Variants in CEP72 observed in about 807,000 individuals in gnomAD.
The protein encoded by CEP72 is centrosomal protein of 72 kDa.
A neutral mutation model predicts 65.7 loss-of-function variants in CEP72; 78 were observed. That is an observed-to-expected ratio of 1.19 (90% CI 0.99 to 1.43). The LOEUF is 1.43. Among genes scored for constraint, CEP72 ranks in the 40% most tolerant of loss-of-function variants. The pLI is 0.00. For missense variants in CEP72, 914 were observed against 832.9 expected (o/e 1.10, Z -1.20); for synonymous variants, 358 against 351.7 (o/e 1.02, Z -0.20).
the CEP72 span, among the ~76,000 whole-genome samples, chr5:673,698 G>A: frequency 6.6e-6 from 1 of 152,180 alleles, no homozygotes; most frequent in Non-Finnish European, 1.5e-5. Context: ...CACACCCCAA[G>A]GCTGGTCCCC....
chr5:625,914 C>G lies in CEP72; in HGVS notation c.512+1335C>G, dbSNP rs145556396. 5.4e-3 allele frequency among the ~76,000 whole-genome samples: 823 copies of G among 152,282 alleles called. 2 individuals carry two copies. The highest frequency in any genetic ancestry group is 0.027 in the Middle Eastern group (8 of 294). On this transcript the variant is annotated intron_variant, in intron 4 of 11. Transcript: ENST00000264935. Reference sequence around the variant, plus strand: ...CAGGTTTCCCCTTCTTAGAAGGACACCAGTGATCGTGGATCAGGGCCCACC... The same window carrying G: ...CAGGTTTCCCCTTCTTAGAAGGACAGCAGTGATCGTGGATCAGGGCCCACC...
At chr5:666,592 C>T (rs894224234) in intron 4 of CEP72, among the ~76,000 whole-genome samples, 7 of 151,368 alleles carry the variant, frequency 4.6e-5, no homozygotes, top group East Asian at 1.9e-4. Flanking sequence ...GCAGCATGGG[C>T]GCAGGCCCAC....
intron 2 of CEP72, among the ~76,000 whole-genome samples, chr5:619,817 G>A (rs1579929818): frequency 6.6e-6 from 1 of 152,216 alleles, no homozygotes; most frequent in East Asian, 1.9e-4. Flanking sequence ...CTTGCTGCAC[G>A]CTGAGGCCTC....
chr5:614,660 C>T (rs962368085), intron 1 of CEP72, among the ~76,000 whole-genome samples: 2 of 152,076 alleles, frequency 1.3e-5, no homozygotes, highest in Non-Finnish European at 2.9e-5. Context: ...CGCGCCCGGC[C>T]TGACCTGTGG....
Position 633,858 on chromosome 5 carries a change from T to C in CEP72, c.602T>C (p.Ile201Thr). ...GATGACGAGGCAGTCCTGAACCTCA[T>C]TGCAGAGTGCGAGTGGGACCTCGGC... ...DADDEAVLNL[I>T]AECEWDLGRP... is the part of the protein sequence containing the mutation. The change falls in exon 5 of 12, where the codon ATT becomes ACT. Residue 201 changes from isoleucine to threonine, a missense_variant. By Grantham distance (89) the Ile-to-Thr change is moderately conservative (BLOSUM62 -1). Coordinates refer to ENST00000264935, the MANE Select transcript of CEP72 (RefSeq NM_018140.4). The C allele has an allele frequency of 1.2e-6, 2 of 1,613,904 alleles. No homozygotes were observed. Among genetic ancestry groups the C allele is most frequent in the Non-Finnish European group, 1.7e-6 (2 of 1,180,036 alleles).
At chr5:641,444 A>T in intron 9 of CEP72, 1 of 985,438 alleles carries the variant, frequency 1.0e-6, no homozygotes, top group African/African-American at 1.7e-5. Flanking sequence ...CTGCCTCTGA[A>T]CTTGTCTGAC....
At chr5:656,046 A>G (rs527916263), downstream of CEP72, among the ~76,000 whole-genome samples, 3 of 152,276 alleles carry the variant, frequency 2.0e-5, no homozygotes, top group East Asian at 1.9e-4. Context: ...AGTTTTGTAT[A>G]TTTTGGATTT....
chr5:634,146 G>A (rs1259857675), intron 5 of CEP72, among the ~76,000 whole-genome samples, 199 bp downstream of exon 5: 1 of 152,212 alleles, frequency 6.6e-6, no homozygotes, highest in Non-Finnish European at 1.5e-5. Context: ...TAACATATTT[G>A]AGTATAGTCA....
At chr5:673,262 C>T in the CEP72 span, among the ~76,000 whole-genome samples, 2 of 152,178 alleles carry the variant, frequency 1.3e-5, no homozygotes, top group Admixed American at 1.3e-4. Flanking sequence ...CCTCTCTCTT[C>T]CTGAGACAAG....
At chr5:635,762 C>T (rs894061128) in intron 6 of CEP72, among the ~76,000 whole-genome samples, 178 bp downstream of exon 6, 3 of 152,266 alleles carry the variant, frequency 2.0e-5, no homozygotes, top group African/African-American at 7.2e-5. Flanking sequence ...ATGGTGCAGG[C>T]AGAAGCAAGC....
At chr5:675,006 G>A in the CEP72 span, among the ~76,000 whole-genome samples, 737 of 137,360 alleles carry the variant, frequency 5.4e-3, 5 homozygotes, top group Middle Eastern at 0.038. Context: ...AGCAGTGAGG[G>A]GGGCACAGTG....
At chr5:669,533 T>G (rs940503492), downstream of CEP72, among the ~76,000 whole-genome samples, 8 of 152,086 alleles carry the variant, frequency 5.3e-5, no homozygotes, top group Non-Finnish European at 1.2e-4. Context: ...CTGTCTTCTA[T>G]TCCCACCCTG....
At position 612,384 on chromosome 5, in the gene CEP72, T is replaced by A; in HGVS notation, c.23T>A (p.Leu8Gln). The change falls in exon 1 of 12, where the codon CTG (leucine) becomes CAG (glutamine). Residue 8 changes from leucine (L) to glutamine (Q), a missense_variant. Transcript: ENST00000264935. ...AACATGGCGCGGGCTGGCCCTCGGC[T>A]GGTGCTGAGCGAGGAGGCGGTTCGG... MARAGPR[L>Q]VLSEEAVRAK... 2 of 1,491,150 alleles carry A rather than the reference T, an allele frequency of 1.3e-6. No homozygotes were observed. Among genetic ancestry groups the A allele is most frequent in the Non-Finnish European group, 1.8e-6 (2 of 1,125,506 alleles). 92.4% of individuals were successfully genotyped at this position (1,491,150 alleles called of 1,614,324 possible).
chr5:666,179 C>T, intron 4 of CEP72: 1 of 1,574,452 alleles, frequency 6.4e-7, no homozygotes, highest in African/African-American at 1.4e-5. Flanking sequence ...GGCTGCCCTC[C>T]CCACGCGTGG....
At chr5:631,765 A>C (rs1737204786) in intron 4 of CEP72, among the ~76,000 whole-genome samples, 1 of 69,048 alleles carries the variant, frequency 1.4e-5, no homozygotes, top group Non-Finnish European at 3.1e-5. Flanking sequence ...GATTTAGACC[A>C]GTCCTGGTGG....
intron 1 of CEP72, among the ~76,000 whole-genome samples, chr5:618,087 G>A (rs1378446382): frequency 2.6e-5 from 4 of 152,158 alleles, no homozygotes; most frequent in African/African-American, 9.7e-5. Flanking sequence ...GTTTCAGATG[G>A]TGATGGCTGC....
chr5:641,105 C>T, intron 9 of CEP72: 2 of 985,464 alleles, frequency 2.0e-6, no homozygotes, highest in Non-Finnish European at 2.4e-6. Context: ...GCCAGGCTCC[C>T]TCCTTCCGTC....
intron 3 of CEP72, chr5:665,817 GCCACGCCCTCCTGA>G: frequency 1.1e-6 from 1 of 879,490 alleles, no homozygotes; most frequent in Admixed American, 2.7e-5. Context: ...CCCACACCAG[GCCACGCCCTCCTGA>G]CCACGCCTCC....
Position 640,468 on chromosome 5 carries a change from C to T in CEP72, c.1403C>T (p.Ala468Val), listed in dbSNP as rs201950388. ...TTCACAGCAGCTCAGGACAGCTCTG[C>T]GATGGTGGGTGAAGATGTCGGCTCC... is the stretch of plus-strand genomic sequence containing the variant. The part of the protein sequence containing the change: ...EEFTAAQDSS[A>V]MVGEDVGSLA... The change falls in exon 9 of 12, where the codon GCG becomes GTG. Residue 468 changes from alanine (A) to valine (V), a missense_variant. By Grantham distance (64) the Ala-to-Val change is moderately conservative (BLOSUM62 0). Transcript: ENST00000264935. 3.2e-5 allele frequency: 51 copies of T among 1,614,242 alleles called. No individual in the cohort carries two copies. Among genetic ancestry groups the T allele is most frequent in the Admixed American group, 3.0e-4 (18 of 60,036 alleles).
Sources: gnomAD v4.1 joint callset for allele counts (sites outside exome capture counted in the v4.1 genomes callset) on GRCh38, gnomAD v4.1.1 for gene constraint, MANE v1.5 for transcripts, NCBI Gene and HGNC (gene_info 2026-07-23, HGNC 2026-07-21) for gene names.